KLF12: variants seen among roughly 807,000 people sequenced by gnomAD.
KLF12 encodes Krueppel-like factor 12.
A neutral mutation model predicts 37.8 loss-of-function variants in KLF12; 9 were observed. The observed-to-expected ratio is 0.24, with a 90% CI of 0.14 to 0.42. The LOEUF (loss-of-function observed/expected upper bound fraction) is 0.42. Among genes scored for constraint, KLF12 ranks in the 10% least tolerant of loss-of-function variants. The pLI, the probability that KLF12 is intolerant of heterozygous loss-of-function variation, is 1.00. For synonymous variants in KLF12, 208 were observed against 202.1 expected (o/e 1.03, Z -0.25); for missense variants, 411 against 516.0 (o/e 0.80, Z 1.97).
rs575966856 is a variant in KLF12, at chr13:73,805,190, CTTAT to C, written c.806+7958_806+7961del. 1.8e-4 allele frequency among the ~76,000 whole-genome samples: 28 copies of C among 152,172 alleles called. No individual in the cohort carries two copies. The South Asian group carries it at 4.2e-3, about 23-fold the overall frequency. On this transcript the variant is annotated intron_variant, in intron 5 of 7. Transcript: ENST00000377669. ...CCAAAAACACTCTACTATTTTACAT[CTTAT>C]TTATTTACATTTCAATGTAATGTTG...
At chr13:74,218,727 G>A in the KLF12 span, among the ~76,000 whole-genome samples, 1 of 152,136 alleles carries the variant, frequency 6.6e-6, no homozygotes, top group Non-Finnish European at 1.5e-5. Context: ...CTAACCAAAT[G>A]AGATAACGAG....
chr13:73,859,275 C>T (rs1037199863), intron 3 of KLF12, among the ~76,000 whole-genome samples: 2 of 152,184 alleles, frequency 1.3e-5, no homozygotes, highest in African/African-American at 4.8e-5. Context: ...AGAGCTTTCT[C>T]TTCCGGTAAA....
the KLF12 span, among the ~76,000 whole-genome samples, chr13:74,294,805 G>A: frequency 6.6e-6 from 1 of 152,114 alleles, no homozygotes; most frequent in Non-Finnish European, 1.5e-5. Flanking sequence ...CCTCAGCTGA[G>A]GCCTTCCTCA....
chr13:73,796,507 CTGTGTGTGTGTGTG>C lies in KLF12; in HGVS notation c.806+16631_806+16644del, dbSNP rs5804694. On this transcript the variant is annotated intron_variant, in intron 5 of 7. Transcript: ENST00000377669. ...CTGTCTCTTTCTCCCTGCCCCTGTGCTGTGTGTGTGTGTGTGTGTGTGTGTGTGTGTGTGTGTGT... is the reference window on the plus strand; with the variant it reads ...CTGTCTCTTTCTCCCTGCCCCTGTGCTGTGTGTGTGTGTGTGTGTGTGTGT... Among the ~76,000 whole-genome samples the C allele has an allele frequency of 4.5e-3, 635 of 140,364 alleles. 8 individuals carry two copies. Among genetic ancestry groups the C allele is most frequent in the African/African-American group, 0.016 (592 of 37,954 alleles). The allele number at this position is 140,364 out of a possible 152,430, so 92.1% of individuals were successfully genotyped here.
intron 5 of KLF12, among the ~76,000 whole-genome samples, chr13:73,807,991 T>C (rs891133166): frequency 1.3e-5 from 2 of 152,054 alleles, no homozygotes; most frequent in African/African-American, 4.8e-5. Flanking sequence ...GGAAAGGGGG[T>C]GCAAAAATTA....
intron 2 of KLF12, among the ~76,000 whole-genome samples, chr13:73,973,651 C>T (rs1446289117): frequency 1.2e-4 from 13 of 110,804 alleles, no homozygotes; most frequent in Non-Finnish European, 1.8e-4. Flanking sequence ...AGACATAGAA[C>T]ATCTGCCCAG....
chr13:74,017,604 G>A (rs1892730503), intron 1 of KLF12, among the ~76,000 whole-genome samples: 1 of 115,952 alleles, frequency 8.6e-6, no homozygotes, highest in Non-Finnish European at 1.6e-5. Context: ...ATGGTACACA[G>A]CAATAACAGG....
the KLF12 span, among the ~76,000 whole-genome samples, chr13:74,202,463 C>T: frequency 6.6e-6 from 1 of 152,114 alleles, no homozygotes; most frequent in Non-Finnish European, 1.5e-5. Flanking sequence ...TGCCCCCACC[C>T]CTACCTGTGT....
rs140836439 is a variant in KLF12 at position 73,859,507 on chromosome 13, C to T, written c.124-13134G>A. ...TCATGGAATTCATGTGCAATTAGTACGTGGAAATACCAACTGAAGAGAATA... is the reference window on the plus strand; with the variant it reads ...TCATGGAATTCATGTGCAATTAGTATGTGGAAATACCAACTGAAGAGAATA... On this transcript the variant is annotated intron_variant, in intron 3 of 7. Coordinates refer to ENST00000377669, the MANE Select transcript of KLF12 (RefSeq NM_007249.5). Among the ~76,000 whole-genome samples the T allele has an allele frequency of 4.1e-3, 629 of 152,228 alleles. 3 individuals carry two copies. The highest frequency in any genetic ancestry group is 0.017 in the Middle Eastern group (5 of 294).
intron 2 of KLF12, among the ~76,000 whole-genome samples, chr13:73,976,593 A>AT (rs1891530235): frequency 6.6e-6 from 1 of 152,122 alleles, no homozygotes; most frequent in South Asian, 2.1e-4. Context: ...ATAGAAGCCC[A>AT]TGTCATCTTT....
the KLF12 span, among the ~76,000 whole-genome samples, chr13:74,269,620 G>T: frequency 6.6e-6 from 1 of 152,114 alleles, no homozygotes. Flanking sequence ...TTGAGAGAAG[G>T]ATATATACAG....
the KLF12 span, among the ~76,000 whole-genome samples, chr13:74,262,432 G>T: frequency 1.3e-5 from 2 of 152,192 alleles, no homozygotes; most frequent in African/African-American, 2.4e-5. Flanking sequence ...ATGAGCAATT[G>T]GTTCAAGGAC....
chr13:74,201,350 G>GA, the KLF12 span, among the ~76,000 whole-genome samples: 1 of 151,446 alleles, frequency 6.6e-6, no homozygotes, highest in East Asian at 2.0e-4. Context: ...GTAAAGCTCA[G>GA]AATGTGCCTA....
chr13:74,283,672 C>T, the KLF12 span, among the ~76,000 whole-genome samples: 1 of 152,116 alleles, frequency 6.6e-6, no homozygotes, highest in Admixed American at 6.6e-5. Context: ...GTACTCTCAG[C>T]CCTTGTGTCT....
At chr13:73,712,779 GT>G (rs1258860146) in intron 7 of KLF12, among the ~76,000 whole-genome samples, 1 of 152,230 alleles carries the variant, frequency 6.6e-6, no homozygotes, top group Non-Finnish European at 1.5e-5. Context: ...CCCTCCACTA[GT>G]CAAAAGATTA....
At chr13:73,951,756 C>T (rs1593774973) in intron 2 of KLF12, among the ~76,000 whole-genome samples, 1 of 152,318 alleles carries the variant, frequency 6.6e-6, no homozygotes, top group South Asian at 2.1e-4. Context: ...CAGGCTACAT[C>T]TTGACCATAT....
intron 6 of KLF12, among the ~76,000 whole-genome samples, chr13:73,738,235 C>G (rs1286159612): frequency 2.6e-5 from 4 of 151,210 alleles, no homozygotes; most frequent in African/African-American, 9.7e-5. Context: ...ACCTCCACCT[C>G]CAGGGTTCAA....
intron 7 of KLF12, among the ~76,000 whole-genome samples, chr13:73,698,339 C>T (rs1305412990): frequency 6.6e-6 from 1 of 152,056 alleles, no homozygotes; most frequent in Non-Finnish European, 1.5e-5. Context: ...CTTCCAGGCT[C>T]ATCTTAACAA....
At position 73,858,126 on chromosome 13, in the gene KLF12, C is replaced by T. The variant is rs1885703300; in HGVS notation, c.124-11753G>A. The stretch of plus-strand genomic sequence containing the variant: ...CTATATTTTCTACAGCAAATCTTTG[C>T]TACTTTTAAAATTTTAAAAGTCATA... On this transcript the variant is annotated intron_variant, in intron 3 of 7. Transcript: ENST00000377669. Among the ~76,000 whole-genome samples, 9 of 152,182 alleles carry T rather than the reference C, an allele frequency of 5.9e-5. No individual in the cohort carries two copies. In the South Asian group the frequency reaches 1.9e-3, roughly 32 times the overall value.
Sources: gnomAD v4.1 joint callset for allele counts (sites outside exome capture counted in the v4.1 genomes callset) on GRCh38, gnomAD v4.1.1 for gene constraint, MANE v1.5 for transcripts, NCBI Gene and HGNC (gene_info 2026-07-23, HGNC 2026-07-21) for gene names.